SAMD13: variants seen among roughly 807,000 people sequenced by gnomAD.
SAMD13 encodes the protein sterile alpha motif domain containing 13, also known as sterile alpha motif domain-containing protein 13.
Under a neutral mutation model 12.4 loss-of-function variants are expected in SAMD13, and 9 were observed. That is an observed-to-expected ratio of 0.72 (90% CI 0.44 to 1.26). The LOEUF (loss-of-function observed/expected upper bound fraction) is 1.26. Ranked by LOEUF, SAMD13 falls within the 50% of genes most tolerant of loss-of-function variation. SAMD13 has a pLI of 0.00. For synonymous variants in SAMD13, 46 were observed against 45.4 expected (o/e 1.01, Z -0.05); for missense variants, 84 against 119.6 (o/e 0.70, Z 1.39).
chr1:84,311,969 T>C (rs777398333), intron 2 of SAMD13, among the ~76,000 whole-genome samples: 18 of 152,208 alleles, frequency 1.2e-4, no homozygotes, highest in Non-Finnish European at 2.2e-4. Flanking sequence ...TTAATGGCTT[T>C]TACATTTTGA....
chr1:84,302,434 C>T (rs1678472072), intron 1 of SAMD13, among the ~76,000 whole-genome samples: 1 of 150,832 alleles, frequency 6.6e-6, no homozygotes, highest in South Asian at 2.1e-4. Context: ...TTTCCACAGC[C>T]CTCATCCTAC....
intron 2 of SAMD13, among the ~76,000 whole-genome samples, chr1:84,306,477 A>G (rs941429766): frequency 2.0e-5 from 3 of 151,702 alleles, no homozygotes; most frequent in African/African-American, 7.3e-5. Flanking sequence ...CCTTTATTAC[A>G]CTGAGTAGAA....
chr1:84,322,740 T>A (rs1216211516), intron 2 of SAMD13, among the ~76,000 whole-genome samples: 1 of 152,156 alleles, frequency 6.6e-6, no homozygotes, highest in Non-Finnish European at 1.5e-5. Flanking sequence ...GTGAATTCCC[T>A]TACCCTCCAT....
At chr1:84,315,692 C>T (rs190102665) in intron 2 of SAMD13, among the ~76,000 whole-genome samples, 143 of 152,280 alleles carry the variant, frequency 9.4e-4, no homozygotes, top group Middle Eastern at 3.4e-3. Flanking sequence ...GTACTAATAT[C>T]TCTTTGAGTT....
chr1:84,304,075 G>A (rs1003733640), intron 2 of SAMD13: 1 of 152,240 alleles, frequency 6.6e-6, no homozygotes, highest in South Asian at 2.1e-4. Flanking sequence ...AGCTTTGGAG[G>A]AAACTAATTA....
intron 3 of SAMD13, among the ~76,000 whole-genome samples, chr1:84,335,556 A>C (rs1242207429): frequency 6.6e-6 from 1 of 152,086 alleles, no homozygotes; most frequent in Non-Finnish European, 1.5e-5. Context: ...CAAGGTTACT[A>C]TTGATATGTA....
In SAMD13 at chr1:84,350,515, T is replaced by C. The variant is rs559289916; in HGVS notation, c.*741T>C. The C allele has an allele frequency of 1.9e-4, 29 of 152,780 alleles. No homozygotes were observed. The highest frequency in any genetic ancestry group is 1.7e-3 in the Admixed American group (26 of 15,300). The allele number at this position is 152,780 out of a possible 1,614,324, so 9.5% of individuals were successfully genotyped here. ...AAAGAATTTTTTTTAACTTCATGGT[T>C]TTATTTATAATAATTTGTTTCTGAA... On this transcript the variant is annotated 3_prime_UTR_variant, in exon 4 of 4. Transcript: ENST00000394834.
chr1:84,333,113 T>C (rs1452651902), intron 3 of SAMD13, among the ~76,000 whole-genome samples: 1 of 152,180 alleles, frequency 6.6e-6, no homozygotes, highest in Non-Finnish European at 1.5e-5. Flanking sequence ...TTGGTTACTG[T>C]AGCCTTGTAG....
chr1:84,302,578 C>A, intron 1 of SAMD13: 2 of 645,426 alleles, frequency 3.1e-6, no homozygotes, highest in Non-Finnish European at 3.8e-6. Context: ...ACACACACAC[C>A]AGCACCACCT....
Position 84,301,739 on chromosome 1 carries a change from T to C in SAMD13, c.-95T>C, listed in dbSNP as rs1388862200. On this transcript the variant is annotated 5_prime_UTR_variant, in exon 1 of 4. Coordinates refer to ENST00000394834, the MANE Select transcript of SAMD13 (RefSeq NM_001134663.2). ...CCAGCCTACTTTGTGAAAGAAAACATTGGGGTTTCTTTGGCTGTTCTTGAT... is the reference window on the plus strand; with the variant it reads ...CCAGCCTACTTTGTGAAAGAAAACACTGGGGTTTCTTTGGCTGTTCTTGAT... 6 of 985,266 alleles carry C rather than the reference T, an allele frequency of 6.1e-6. No individual in the cohort carries two copies. The South Asian group carries it at 1.9e-4, about 31-fold the overall frequency. The allele number at this position is 985,266 out of a possible 1,614,324, so 61.0% of individuals were successfully genotyped here. A position where few individuals can be genotyped will look rare whatever the true frequency, so the allele number is the denominator to read the frequency against.
At chr1:84,328,162 T>C (rs1570247981) in intron 3 of SAMD13, among the ~76,000 whole-genome samples, 1 of 152,322 alleles carries the variant, frequency 6.6e-6, no homozygotes, top group Middle Eastern at 3.4e-3. Flanking sequence ...TCTCTGGACC[T>C]TCCAGGTTCT....
chr1:84,338,365 A>G (rs774040061), intron 3 of SAMD13, among the ~76,000 whole-genome samples: 5 of 151,970 alleles, frequency 3.3e-5, no homozygotes, highest in Non-Finnish European at 7.4e-5. Flanking sequence ...AAGGAGGAGC[A>G]AGTCACATCT....
upstream of SAMD13, among the ~76,000 whole-genome samples, chr1:84,300,637 T>C (rs72942035): frequency 0.012 from 1,902 of 152,274 alleles, 26 homozygotes; most frequent in Middle Eastern, 0.041. Context: ...CAAATGTTGA[T>C]TGATGTTTAT....
At chr1:84,299,242 G>T (rs1192219540), upstream of SAMD13, among the ~76,000 whole-genome samples, 2 of 152,124 alleles carry the variant, frequency 1.3e-5, no homozygotes, top group African/African-American at 4.8e-5. Context: ...CTGCCTGGGG[G>T]ACGAATGCTG....
upstream of SAMD13, chr1:84,299,504 ACC>A: frequency 2.5e-6 from 2 of 815,988 alleles, no homozygotes; most frequent in Non-Finnish European, 3.4e-6. Flanking sequence ...ATACACACAC[ACC>A]CCCACATACG....
At chr1:84,298,806 C>G (rs894004167), upstream of SAMD13, among the ~76,000 whole-genome samples, 1 of 152,100 alleles carries the variant, frequency 6.6e-6, no homozygotes, top group East Asian at 1.9e-4. Flanking sequence ...TCGCCTGGGG[C>G]TGCTGGCAGT....
intron 2 of SAMD13, chr1:84,303,972 G>C (rs1341192403): frequency 6.6e-6 from 1 of 152,140 alleles, no homozygotes; most frequent in Non-Finnish European, 1.5e-5. Context: ...AAAGCAATAA[G>C]TACTTTGATT....
intron 2 of SAMD13, among the ~76,000 whole-genome samples, chr1:84,305,653 T>C (rs754875890): frequency 1.8e-4 from 27 of 152,178 alleles, no homozygotes; most frequent in Admixed American, 1.1e-3. Flanking sequence ...TTTAGGACTA[T>C]GGTTTTTGAG....
intron 3 of SAMD13, among the ~76,000 whole-genome samples, chr1:84,326,840 G>A (rs2101805911): frequency 6.6e-6 from 1 of 152,220 alleles, no homozygotes; most frequent in Non-Finnish European, 1.5e-5. Flanking sequence ...CCAATTTCTA[G>A]ATTTCCTTCA....
Sources: allele counts gnomAD v4.1 joint callset (sites outside exome capture counted in the v4.1 genomes callset), GRCh38; gene constraint gnomAD v4.1.1; transcripts MANE v1.5; gene names NCBI Gene and HGNC (gene_info 2026-07-23, HGNC 2026-07-21).